The following TAF1D variants were observed in gnomAD, a reference collection of about 807,000 sequenced individuals.
TAF1D encodes TATA-box binding protein associated factor, RNA polymerase I subunit D.
TAF1D carries 23 observed loss-of-function variants against 26.2 expected under a neutral mutation model. The observed-to-expected ratio is 0.88, with a 90% CI of 0.63 to 1.25. TAF1D has a LOEUF of 1.25. Ranked by LOEUF, TAF1D falls within the 50% of genes most tolerant of loss-of-function variation. The pLI is 0.00. For synonymous variants in TAF1D, 100 were observed against 105.6 expected (o/e 0.95, Z 0.33); for missense variants, 299 against 322.0 (o/e 0.93, Z 0.55).
chr11:93,735,445 G>A, downstream of TAF1D: 1 of 590,306 alleles, frequency 1.7e-6, no homozygotes, highest in Non-Finnish European at 2.2e-6. Flanking sequence ...CATTTTGGGA[G>A]GCCAAGGCAG....
chr11:93,735,858 C>T lies in TAF1D; in HGVS notation c.*303G>A, dbSNP rs1210505241. ...TTTCTTTTCAAAATTAAAATCACTACATTTCATTGTTTCAATACTCACAGG... is the reference window on the plus strand; with the variant it reads ...TTTCTTTTCAAAATTAAAATCACTATATTTCATTGTTTCAATACTCACAGG... On this transcript the variant is annotated 3_prime_UTR_variant, in exon 6 of 6. Coordinates refer to ENST00000448108, the MANE Select transcript of TAF1D (RefSeq NM_024116.4). 9.0e-7 allele frequency: 1 copy of T among 1,110,972 alleles called. No homozygotes were observed. The highest frequency in any genetic ancestry group is 1.1e-6 in the Non-Finnish European group (1 of 909,768). The allele number at this position is 1,110,972 out of a possible 1,614,324, so 68.8% of individuals were successfully genotyped here.
intron 1 of TAF1D, among the ~76,000 whole-genome samples, chr11:93,741,107 T>G (rs528054557): frequency 6.6e-6 from 1 of 152,220 alleles, no homozygotes; most frequent in Non-Finnish European, 1.5e-5. Flanking sequence ...CATCTCAAGA[T>G]ATAATGAAGC....
chr11:93,736,353 T>G (rs576853918), intron 5 of TAF1D, 49 bp from the exon 6 acceptor site: 3 of 1,550,120 alleles, frequency 1.9e-6, no homozygotes, highest in East Asian at 2.3e-5. Context: ...ACTCAAATAG[T>G]TTAGTAATTA....
chr11:93,731,899 A>C, downstream of TAF1D: 1 of 394,154 alleles, frequency 2.5e-6, no homozygotes, highest in Non-Finnish European at 5.0e-6. Flanking sequence ...TATACAGCAC[A>C]TAAAAAAAGT....
At chr11:93,732,199 T>C, downstream of TAF1D, 3 of 496,012 alleles carry the variant, frequency 6.0e-6, no homozygotes, top group Non-Finnish European at 1.2e-5. Context: ...GCAGTGCTAC[T>C]GATAGAGGGA....
downstream of TAF1D, chr11:93,732,488 C>T (rs932574718): frequency 1.5e-5 from 8 of 517,834 alleles, no homozygotes; most frequent in Non-Finnish European, 2.7e-5. Flanking sequence ...AGTGCAGATA[C>T]CATGCAGTGC....
intron 3 of TAF1D, 94 bp from the exon 4 acceptor site, chr11:93,737,333 AAG>A: frequency 1.3e-6 from 1 of 793,756 alleles, no homozygotes; most frequent in South Asian, 2.2e-5. Flanking sequence ...CCCCTTAGCA[AAG>A]ACTCTGAATT....
chr11:93,736,024 ATTT>A lies in TAF1D; in HGVS notation c.*134_*136del, dbSNP rs1164066252. 7.0e-7 allele frequency: 1 copy of A among 1,425,352 alleles called. No individual in the cohort carries two copies. The highest frequency in any genetic ancestry group is 1.5e-5 in the African/African-American group (1 of 67,378). 88.3% of individuals were successfully genotyped at this position (1,425,352 alleles called of 1,614,324 possible). ...CACAAACTTCTTCACAGGGTTAAAA[ATTT>A]TTTTTCTTGTTATAAAGTTCTGGGT... On this transcript the variant is annotated 3_prime_UTR_variant, in exon 6 of 6. Transcript: ENST00000448108.
At chr11:93,735,451 G>A, downstream of TAF1D, 1 of 571,160 alleles carries the variant, frequency 1.8e-6, no homozygotes, top group Non-Finnish European at 2.3e-6. Context: ...GGGAGGCCAA[G>A]GCAGGCGGAT....
chr11:93,736,397 A>T (rs973815467), intron 5 of TAF1D, 93 bp from the exon 6 acceptor site: 32 of 1,454,996 alleles, frequency 2.2e-5, no homozygotes, highest in Non-Finnish European at 2.9e-5. Flanking sequence ...ACTTCAGATA[A>T]CCTAGAGACT....
intron 1 of TAF1D, among the ~76,000 whole-genome samples, chr11:93,739,790 T>TTA (rs1408863300): frequency 6.6e-6 from 1 of 152,054 alleles, no homozygotes; most frequent in Non-Finnish European, 1.5e-5. Flanking sequence ...CACCTCTCCA[T>TTA]TATAATTCCT....
chr11:93,737,977 A>G, intron 3 of TAF1D, 132 bp downstream of exon 3: 1 of 968,892 alleles, frequency 1.0e-6, no homozygotes, highest in Non-Finnish European at 1.4e-6. Flanking sequence ...TTTAGGGGTA[A>G]GTCAGTATAG....
downstream of TAF1D, chr11:93,732,198 C>A (rs921217977): frequency 4.0e-6 from 2 of 497,954 alleles, no homozygotes; most frequent in South Asian, 2.9e-5. Context: ...GGCAGTGCTA[C>A]TGATAGAGGG....
chr11:93,731,132 A>AT (rs773140680), downstream of TAF1D: 1 of 492,020 alleles, frequency 2.0e-6, no homozygotes, highest in South Asian at 1.5e-5. Context: ...TATAGTTAAG[A>AT]TAAAAACCAT....
chr11:93,736,455 T>G, intron 5 of TAF1D, 151 bp from the exon 6 acceptor site: 2 of 1,423,496 alleles, frequency 1.4e-6, no homozygotes, highest in Non-Finnish European at 1.8e-6. Flanking sequence ...TTTTTTCATT[T>G]GACATCCTAA....
chr11:93,737,947 A>C (rs1341918153), intron 3 of TAF1D, among the ~76,000 whole-genome samples, 162 bp downstream of exon 3: 2 of 152,254 alleles, frequency 1.3e-5, no homozygotes, highest in Non-Finnish European at 2.9e-5. Flanking sequence ...GTCAAGATTC[A>C]GTTGAAGGAT....
downstream of TAF1D, chr11:93,735,090 A>G: frequency 7.6e-7 from 1 of 1,322,198 alleles, no homozygotes; most frequent in Non-Finnish European, 1.0e-6. Context: ...ACTCCCATCA[A>G]TCAACTGTCT....
chr11:93,739,934 C>T (rs961500599), intron 1 of TAF1D, among the ~76,000 whole-genome samples: 3 of 147,648 alleles, frequency 2.0e-5, no homozygotes, highest in Non-Finnish European at 4.5e-5. Flanking sequence ...GTGTCTTCAT[C>T]CCCATGGTAG....
At chr11:93,740,787 GTAGT>G (rs1231321413) in intron 1 of TAF1D, among the ~76,000 whole-genome samples, 3 of 152,162 alleles carry the variant, frequency 2.0e-5, no homozygotes, top group Non-Finnish European at 2.9e-5. Context: ...CGGTATACCT[GTAGT>G]TAATTTTTTT....
Sources: allele counts gnomAD v4.1 joint callset (sites outside exome capture counted in the v4.1 genomes callset), GRCh38; gene constraint gnomAD v4.1.1; transcripts MANE v1.5; gene names NCBI Gene and HGNC (gene_info 2026-07-23, HGNC 2026-07-21).